The following TMEM74 variants were observed in gnomAD, a reference collection of about 807,000 sequenced individuals.
TMEM74 encodes the protein transmembrane protein 74.
A neutral mutation model predicts 18.1 loss-of-function variants in TMEM74; 13 were observed. The observed-to-expected ratio is 0.72, with a 90% CI of 0.47 to 1.14. The LOEUF (loss-of-function observed/expected upper bound fraction) is 1.14, where lower values mean the gene tolerates loss of function less well. TMEM74 is among the 50% of genes most tolerant of loss of function. The pLI is 0.00. For missense variants in TMEM74, 372 were observed against 375.9 expected, an observed-to-expected ratio of 0.99 and a Z score of 0.09; for synonymous variants, 159 against 146.6, an observed-to-expected ratio of 1.08 and a Z score of -0.61.
chr8:108,711,436 T>G (rs1813474622), intron 1 of TMEM74, among the ~76,000 whole-genome samples: 1 of 152,220 alleles, frequency 6.6e-6, no homozygotes, highest in African/African-American at 2.4e-5. Context: ...TTAGCACAGG[T>G]GCCACCTCAG....
intron 1 of TMEM74, among the ~76,000 whole-genome samples, chr8:108,765,827 A>G: frequency 6.6e-6 from 1 of 152,318 alleles, no homozygotes; most frequent in South Asian, 2.1e-4. Flanking sequence ...ATACTTACAT[A>G]CAATAAATGG....
At chr8:108,609,119 G>A (rs1388040795) in intron 2 of TMEM74, among the ~76,000 whole-genome samples, 2 of 152,150 alleles carry the variant, frequency 1.3e-5, no homozygotes, top group African/African-American at 4.8e-5. Flanking sequence ...TTTGATCATT[G>A]GAGACAAAGA....
intron 1 of TMEM74, among the ~76,000 whole-genome samples, chr8:108,707,042 G>A (rs758720587): frequency 4.6e-5 from 7 of 151,784 alleles, no homozygotes; most frequent in Non-Finnish European, 2.9e-5. Context: ...GCAGGGACAC[G>A]GATGAAGCTG....
intron 2 of TMEM74, among the ~76,000 whole-genome samples, chr8:108,634,058 C>T (rs922230368): frequency 3.3e-5 from 5 of 151,800 alleles, no homozygotes; most frequent in South Asian, 2.1e-4. Context: ...CAAAAGTTAC[C>T]GGCAAACTGA....
rs1333970517 is a variant in TMEM74, at chr8:108,784,520, G to C, written c.579C>G (p.Ile193Met). ...LFLVTGILLV[I>M]ISYIVPREVT... ...CTTCCCGTGGGACGATGTAAGAGAT[G>C]ATCACGAGCAGGATCCCAGTGACCA... Residue 193 changes from isoleucine to methionine, a missense_variant, in exon 2 of 2, where the codon ATC becomes ATG. Physicochemically the swap from Ile to Met is conservative, Grantham distance 10 (BLOSUM62 1). Transcript: ENST00000297459. The C allele has an allele frequency of 6.2e-7, 1 of 1,614,170 alleles. No individual in the cohort carries two copies. Among genetic ancestry groups the C allele is most frequent in the Admixed American group, 1.7e-5 (1 of 60,020 alleles).
rs541403163 is a variant in TMEM74 at position 108,723,606 on chromosome 8, A to G, written n.119+63870T>C. Among the ~76,000 whole-genome samples the G allele has an allele frequency of 2.6e-5, 4 of 152,332 alleles. No individual in the cohort carries two copies. The South Asian group carries it at 8.3e-4, about 32-fold the overall frequency. ...TCAACTATAAATGGCTTTCACGGAA[A>G]CAAGTCCAAATAGAAGGGAGTTACA... On this transcript the variant is annotated intron_variant and non_coding_transcript_variant, in intron 1 of 3. Coordinates refer to the TMEM74 transcript ENST00000518838.
chr8:108,630,490 G>A (rs1460004827), intron 2 of TMEM74, among the ~76,000 whole-genome samples: 3 of 151,928 alleles, frequency 2.0e-5, no homozygotes, highest in Non-Finnish European at 4.4e-5. Context: ...TAATAGACAT[G>A]TACAGAACTC....
chr8:108,764,324 C>T (rs1261226990), intron 1 of TMEM74, among the ~76,000 whole-genome samples: 1 of 152,072 alleles, frequency 6.6e-6, no homozygotes, highest in African/African-American at 2.4e-5. Flanking sequence ...CAGGACTAAA[C>T]AAACAAACAC....
At chr8:108,711,185 A>T (rs1209524325) in intron 1 of TMEM74, among the ~76,000 whole-genome samples, 2 of 152,208 alleles carry the variant, frequency 1.3e-5, no homozygotes, top group East Asian at 3.9e-4. Flanking sequence ...ATTTCTACAT[A>T]TAAGAAACTG....
chr8:108,749,749 G>A (rs1028821355), intron 1 of TMEM74, among the ~76,000 whole-genome samples: 2 of 152,058 alleles, frequency 1.3e-5, no homozygotes, highest in Non-Finnish European at 2.9e-5. Flanking sequence ...GGAATGAGAA[G>A]CACACTTCTC....
intron 2 of TMEM74, among the ~76,000 whole-genome samples, chr8:108,638,440 A>G (rs1318333488): frequency 6.6e-6 from 1 of 152,040 alleles, no homozygotes; most frequent in Non-Finnish European, 1.5e-5. Flanking sequence ...AAATATTCTC[A>G]TAATCTTCAT....
chr8:108,693,112 A>G (rs1813246813), intron 1 of TMEM74, among the ~76,000 whole-genome samples: 1 of 152,198 alleles, frequency 6.6e-6, no homozygotes, highest in African/African-American at 2.4e-5. Context: ...AGGAGCAGCA[A>G]TTGTAAAGGT....
intron 1 of TMEM74, among the ~76,000 whole-genome samples, chr8:108,659,163 T>C (rs1563742683): frequency 6.7e-6 from 1 of 148,748 alleles, no homozygotes; most frequent in Non-Finnish European, 1.5e-5. Context: ...CCTTCAAAAC[T>C]AAAGATAAGG....
At chr8:108,778,733 A>C (rs7830993), downstream of TMEM74, among the ~76,000 whole-genome samples, 1,019 of 152,332 alleles carry the variant, frequency 6.7e-3, 11 homozygotes, top group African/African-American at 0.024. Flanking sequence ...AATTAGATTA[A>C]AAGCAGGTGC....
In TMEM74 at chr8:108,783,155, T is replaced by C. The variant is rs1388671986; in HGVS notation, c.*1026A>G. Among the ~76,000 whole-genome samples, 1 of 152,110 alleles carries C rather than the reference T, an allele frequency of 6.6e-6. No individual in the cohort carries two copies. Among genetic ancestry groups the C allele is most frequent in the African/African-American group, 2.4e-5 (1 of 41,414 alleles). On this transcript the variant is annotated 3_prime_UTR_variant, in exon 2 of 2. Coordinates refer to ENST00000297459, the MANE Select transcript of TMEM74 (RefSeq NM_153015.3). ...AGGACTGTTGCTACCATGAGGGAAG[T>C]GCTCGTTGCTTGGCCTACAGCAAGT... is the stretch of plus-strand genomic sequence containing the variant.
At chr8:108,776,187 G>C (rs1278814870), downstream of TMEM74, among the ~76,000 whole-genome samples, 1 of 152,170 alleles carries the variant, frequency 6.6e-6, no homozygotes, top group African/African-American at 2.4e-5. Context: ...TATGGTAAAA[G>C]CTATTTTGTT....
intron 1 of TMEM74, among the ~76,000 whole-genome samples, chr8:108,699,629 C>T (rs1813316148): frequency 6.6e-6 from 1 of 152,116 alleles, no homozygotes; most frequent in African/African-American, 2.4e-5. Flanking sequence ...AGGATGATCT[C>T]TGCAAAATGA....
chr8:108,766,570 G>A (rs1204955739), intron 1 of TMEM74, among the ~76,000 whole-genome samples: 2 of 152,152 alleles, frequency 1.3e-5, no homozygotes, highest in Non-Finnish European at 2.9e-5. Context: ...TTTCACAATA[G>A]AGCCTCAACT....
intron 1 of TMEM74, among the ~76,000 whole-genome samples, chr8:108,673,806 T>C (rs555791978): frequency 6.6e-6 from 1 of 152,298 alleles, no homozygotes; most frequent in East Asian, 1.9e-4. Flanking sequence ...ATTATTGTCT[T>C]TGTCATTTCT....
Sources: gnomAD v4.1 joint callset for allele counts (sites outside exome capture counted in the v4.1 genomes callset) on GRCh38, gnomAD v4.1.1 for gene constraint, MANE v1.5 for transcripts, NCBI Gene and HGNC (gene_info 2026-07-23, HGNC 2026-07-21) for gene names.